IGF1R: variants seen among roughly 807,000 people sequenced by gnomAD.
IGF1R encodes the protein insulin-like growth factor 1 receptor.
In IGF1R, 44 loss-of-function variants were observed where a neutral mutation model predicts 144.6. That is an observed-to-expected ratio of 0.30 (90% CI 0.24 to 0.39). The LOEUF (loss-of-function observed/expected upper bound fraction) is 0.39. Ranked by LOEUF, IGF1R falls within the 10% of genes least tolerant of loss-of-function variation. The probability of loss-of-function intolerance (pLI) is 1.00; values close to 1 mark genes in which losing one functional copy is unlikely to be tolerated. For synonymous variants in IGF1R, 795 were observed against 722.8 expected (o/e 1.10, Z -1.60); for missense variants, 1,355 against 1,833.7 (o/e 0.74, Z 4.77).
In IGF1R at chr15:98,958,199, A is replaced by G. The variant is rs954517399; in HGVS notation, c.*757A>G. ...TCAAGGCCACAGGCACACAGGTCTC[A>G]TTGCTTCTGACTAGATTATTATTTG... On this transcript the variant is annotated 3_prime_UTR_variant, in exon 21 of 21. Transcript: ENST00000650285. 8.6e-6 allele frequency: 2 copies of G among 232,504 alleles called. No homozygotes were observed. The highest frequency in any genetic ancestry group is 4.4e-5 in the African/African-American group (2 of 45,260). The allele number at this position is 232,504 out of a possible 1,614,324, so 14.4% of individuals were successfully genotyped here. A position where few individuals can be genotyped will look rare whatever the true frequency, so the allele number is the denominator to read the frequency against.
At chr15:98,938,026 A>G (rs2016222163) in intron 17 of IGF1R, among the ~76,000 whole-genome samples, 2 of 152,242 alleles carry the variant, frequency 1.3e-5, no homozygotes, top group South Asian at 2.1e-4. Context: ...TGTGTCACCA[A>G]GTGTAGAGAA....
intron 2 of IGF1R, among the ~76,000 whole-genome samples, chr15:98,779,926 AG>A (rs1230465513): frequency 6.6e-6 from 1 of 152,088 alleles, no homozygotes. Context: ...GGGGACCTGG[AG>A]TTAGTTCCCT....
At chr15:98,726,643 T>G (rs1342578415) in intron 2 of IGF1R, among the ~76,000 whole-genome samples, 1 of 152,092 alleles carries the variant, frequency 6.6e-6, no homozygotes, top group Non-Finnish European at 1.5e-5. Context: ...GTTTCTGAAT[T>G]TTAATTCCTT....
At chr15:98,799,847 G>A in intron 2 of IGF1R, among the ~76,000 whole-genome samples, 1 of 152,204 alleles carries the variant, frequency 6.6e-6, no homozygotes, top group East Asian at 1.9e-4. Flanking sequence ...TTTTGCAAGA[G>A]TTGAGAGGGG....
At chr15:98,705,136 T>G (rs2053830884) in intron 1 of IGF1R, among the ~76,000 whole-genome samples, 1 of 152,154 alleles carries the variant, frequency 6.6e-6, no homozygotes, top group South Asian at 2.1e-4. Context: ...GCCACTTGTC[T>G]GGATGAGGTG....
intron 5 of IGF1R, among the ~76,000 whole-genome samples, chr15:98,902,205 T>A (rs1277211242): frequency 6.6e-6 from 1 of 152,028 alleles, no homozygotes; most frequent in Non-Finnish European, 1.5e-5. Flanking sequence ...GGGGTTAGGA[T>A]CCAGGAATCA....
chr15:98,810,516 C>T (rs2056562981), intron 2 of IGF1R, among the ~76,000 whole-genome samples: 1 of 150,646 alleles, frequency 6.6e-6, no homozygotes, highest in African/African-American at 2.4e-5. Context: ...AAGTAACTCT[C>T]TTGTAAAATC....
At chr15:98,850,320 G>A (rs1449182022) in intron 2 of IGF1R, among the ~76,000 whole-genome samples, 1 of 152,230 alleles carries the variant, frequency 6.6e-6, no homozygotes, top group Non-Finnish European at 1.5e-5. Flanking sequence ...ACACAGAGGA[G>A]GCCTTCAGGC....
chr15:98,744,310 G>A (rs911780793), intron 2 of IGF1R, among the ~76,000 whole-genome samples: 3 of 151,950 alleles, frequency 2.0e-5, no homozygotes, highest in African/African-American at 7.3e-5. Context: ...GGAGAACAAC[G>A]TGCTAAAAGC....
At chr15:98,798,822 G>A (rs566326023) in intron 2 of IGF1R, among the ~76,000 whole-genome samples, 3 of 152,262 alleles carry the variant, frequency 2.0e-5, no homozygotes, top group African/African-American at 7.2e-5. Flanking sequence ...TATGGGGGGT[G>A]AGATGGCATA....
Position 98,957,747 on chromosome 15 carries a change from CCT to C in IGF1R, c.*306_*307del. On this transcript the variant is annotated 3_prime_UTR_variant, in exon 21 of 21. Transcript: ENST00000650285. ...TGAGAACCAGTCTCCTCACTCTGTC[CCT>C]GTCCTTCCCTGTTCTCCCTTTCTCT... The C allele has an allele frequency of 2.2e-6, 1 of 462,510 alleles. No homozygotes were observed. The allele number at this position is 462,510 out of a possible 1,614,324, so 28.7% of individuals were successfully genotyped here.
At chr15:98,801,412 A>G (rs1406924974) in intron 2 of IGF1R, among the ~76,000 whole-genome samples, 1 of 152,236 alleles carries the variant, frequency 6.6e-6, no homozygotes, top group Non-Finnish European at 1.5e-5. Flanking sequence ...TGTCTCTGGC[A>G]TAAATGAACC....
intron 1 of IGF1R, among the ~76,000 whole-genome samples, chr15:98,651,508 C>T (rs907011969): frequency 6.6e-6 from 1 of 152,084 alleles, no homozygotes; most frequent in African/African-American, 2.4e-5. Flanking sequence ...AGAAATAATC[C>T]ATTTTGTTAT....
intron 2 of IGF1R, among the ~76,000 whole-genome samples, chr15:98,763,294 TTTC>T (rs1254264103): frequency 6.6e-6 from 1 of 152,176 alleles, no homozygotes; most frequent in African/African-American, 2.4e-5. Context: ...TGGCTTTGTT[TTTC>T]TTCATGTGTT....
intron 2 of IGF1R, among the ~76,000 whole-genome samples, chr15:98,783,797 T>C (rs570167491): frequency 6.6e-6 from 1 of 152,210 alleles, no homozygotes; most frequent in Non-Finnish European, 1.5e-5. Flanking sequence ...CTACATTTTG[T>C]GGAGAATACC....
chr15:98,882,352 G>C (rs1254052482), intron 2 of IGF1R, among the ~76,000 whole-genome samples: 2 of 152,242 alleles, frequency 1.3e-5, no homozygotes, highest in Non-Finnish European at 2.9e-5. Context: ...TCGTCAAGAT[G>C]GGTGCCATCT....
At chr15:98,702,824 G>A (rs2053769094) in intron 1 of IGF1R, among the ~76,000 whole-genome samples, 1 of 152,070 alleles carries the variant, frequency 6.6e-6, no homozygotes, top group African/African-American at 2.4e-5. Flanking sequence ...TGTGGTCCCA[G>A]CTGCTTGGGA....
intron 2 of IGF1R, among the ~76,000 whole-genome samples, chr15:98,837,642 C>T (rs930671760): frequency 1.3e-5 from 2 of 152,162 alleles, no homozygotes; most frequent in African/African-American, 2.4e-5. Flanking sequence ...TCCTGTTTCT[C>T]ATCACATTGT....
intron 18 of IGF1R, among the ~76,000 whole-genome samples, chr15:98,940,225 A>T (rs1010502100): frequency 2.6e-5 from 4 of 152,248 alleles, no homozygotes; most frequent in Non-Finnish European, 5.9e-5. Flanking sequence ...TATCCTGAGA[A>T]ACTGCAGGGG....
Sources: allele counts gnomAD v4.1 joint callset (sites outside exome capture counted in the v4.1 genomes callset), GRCh38; gene constraint gnomAD v4.1.1; transcripts MANE v1.5; gene names NCBI Gene and HGNC (gene_info 2026-07-23, HGNC 2026-07-21).